Variants in PTPRQ observed in about 807,000 individuals in gnomAD.
PTPRQ encodes the protein phosphatidylinositol phosphatase PTPRQ.
PTPRQ carries 199 observed loss-of-function variants against 246.0 expected under a neutral mutation model. The ratio of observed to expected loss-of-function variants is 0.81; its 90% CI spans 0.72 to 0.91. PTPRQ has a LOEUF of 0.91. PTPRQ is among the 40% of genes least tolerant of loss of function. The pLI, the probability that PTPRQ is intolerant of heterozygous loss-of-function variation, is 0.00. For missense variants in PTPRQ, 2,624 were observed against 2,528.4 expected (o/e 1.04, Z -0.81); for synonymous variants, 869 against 853.2 (o/e 1.02, Z -0.32).
chr12:80,556,658 A>G (rs1896655192), intron 25 of PTPRQ, among the ~76,000 whole-genome samples: 1 of 152,180 alleles, frequency 6.6e-6, no homozygotes, highest in Non-Finnish European at 1.5e-5. Flanking sequence ...TTTATTGGAA[A>G]TATCTTGGAT....
At chr12:80,471,181 A>G (rs887980565) in intron 7 of PTPRQ, among the ~76,000 whole-genome samples, 2 of 152,092 alleles carry the variant, frequency 1.3e-5, no homozygotes, top group Non-Finnish European at 2.9e-5. Context: ...AATAGTAAAT[A>G]AAGTGGAGCA....
chr12:80,655,933 A>G (rs1437692099), intron 38 of PTPRQ, among the ~76,000 whole-genome samples: 6 of 152,226 alleles, frequency 3.9e-5, no homozygotes, highest in African/African-American at 1.4e-4. Context: ...ATTAGCAGCA[A>G]ATACTTGCAG....
At chr12:80,492,192 C>T (rs75464770) in intron 9 of PTPRQ, among the ~76,000 whole-genome samples, 9 of 151,852 alleles carry the variant, frequency 5.9e-5, no homozygotes, top group East Asian at 5.8e-4. Context: ...TTCTTGCCTC[C>T]GGTTTTTAAA....
Position 80,622,044 on chromosome 12 carries a change from C to CT in PTPRQ, c.5613-10dup, listed in dbSNP as rs762085319. 200 of 1,221,456 alleles carry CT rather than the reference C, an allele frequency of 1.6e-4. No individual in the cohort carries two copies. The African/African-American group carries it at 3.2e-3, about 20-fold the overall frequency. 75.7% of individuals were successfully genotyped at this position (1,221,456 alleles called of 1,614,324 possible). A position where few individuals can be genotyped will look rare whatever the true frequency, so the allele number is the denominator to read the frequency against. On this transcript the variant is annotated splice_polypyrimidine_tract_variant and intron_variant, in intron 32 of 44. Transcript: ENST00000644991. ...CATGATATGCAAAGTGTTGATTTTTCTTTTTTTATTTTATAGATTTAAATT... is the reference window on the plus strand; with the variant it reads ...CATGATATGCAAAGTGTTGATTTTTCTTTTTTTTATTTTATAGATTTAAATT...
chr12:80,571,576 A>T (rs1897146967), intron 25 of PTPRQ, among the ~76,000 whole-genome samples: 1 of 152,212 alleles, frequency 6.6e-6, no homozygotes. Context: ...TTTTAATCTC[A>T]TGTCAGTACA....
rs191552066 is a variant in PTPRQ at position 80,472,822 on chromosome 12, A to C, written c.1186+571A>C. Among the ~76,000 whole-genome samples the C allele has an allele frequency of 2.7e-3, 413 of 152,264 alleles. 4 individuals carry two copies. Among genetic ancestry groups the C allele is most frequent in the African/African-American group, 9.4e-3 (391 of 41,554 alleles). On this transcript the variant is annotated intron_variant, in intron 8 of 44. Transcript: ENST00000644991. ...TTTAGGTGAACTATACTTTAAAAAGAATGTTTCCATACTATTTCACAACAT... is the reference window on the plus strand; with the variant it reads ...TTTAGGTGAACTATACTTTAAAAAGCATGTTTCCATACTATTTCACAACAT...
At chr12:80,545,082 T>C (rs948048598) in intron 23 of PTPRQ, among the ~76,000 whole-genome samples, 3 of 152,174 alleles carry the variant, frequency 2.0e-5, no homozygotes, top group Admixed American at 6.5e-5. Context: ...TTATGCCCTC[T>C]TGGGTTCAGT....
intron 14 of PTPRQ, 131 bp from the exon 15 acceptor site, chr12:80,505,892 AG>A (rs1355342636): frequency 9.4e-7 from 1 of 1,068,368 alleles, no homozygotes; most frequent in Non-Finnish European, 1.3e-6. Flanking sequence ...TACTTCATTC[AG>A]GATATTTATT....
At chr12:80,467,934 C>G (rs1467890827) in intron 6 of PTPRQ, among the ~76,000 whole-genome samples, 3 of 152,116 alleles carry the variant, frequency 2.0e-5, no homozygotes, top group Admixed American at 2.0e-4. Flanking sequence ...GTGCAGCAAA[C>G]CAACATGGCA....
intron 29 of PTPRQ, among the ~76,000 whole-genome samples, chr12:80,615,926 C>T (rs150508751): frequency 6.6e-6 from 1 of 150,864 alleles, no homozygotes; most frequent in East Asian, 2.0e-4. Flanking sequence ...TTGTTCTCAG[C>T]GTTTAGTACC....
At chr12:80,508,628 CA>C (rs1453605145) in intron 16 of PTPRQ, among the ~76,000 whole-genome samples, 1 of 151,912 alleles carries the variant, frequency 6.6e-6, no homozygotes, top group Admixed American at 6.6e-5. Context: ...GAATGCACTG[CA>C]AAAGTTCTAA....
chr12:80,639,822 T>G (rs1301015205), intron 35 of PTPRQ, among the ~76,000 whole-genome samples: 3 of 152,212 alleles, frequency 2.0e-5, no homozygotes, highest in Non-Finnish European at 4.4e-5. Context: ...CTACTGTTTA[T>G]GAGCAACTCC....
chr12:80,645,317 A>C (rs1900033525), intron 35 of PTPRQ, among the ~76,000 whole-genome samples: 1 of 152,026 alleles, frequency 6.6e-6, no homozygotes, highest in South Asian at 2.1e-4. Flanking sequence ...TTTGTTGATA[A>C]ATCTATTGAT....
At chr12:80,654,817 A>G (rs1312616219) in intron 38 of PTPRQ, among the ~76,000 whole-genome samples, 1 of 151,922 alleles carries the variant, frequency 6.6e-6, no homozygotes, top group East Asian at 1.9e-4. Context: ...CCGAGATCGC[A>G]CCATTGCATT....
chr12:80,469,088 C>G (rs1437745979), intron 7 of PTPRQ, among the ~76,000 whole-genome samples: 1 of 152,046 alleles, frequency 6.6e-6, no homozygotes, highest in African/African-American at 2.4e-5. Flanking sequence ...AGAGATAACT[C>G]CTCAAGAAAA....
chr12:80,467,000 G>C (rs1893444290), intron 6 of PTPRQ, among the ~76,000 whole-genome samples: 1 of 152,184 alleles, frequency 6.6e-6, no homozygotes, highest in African/African-American at 2.4e-5. Flanking sequence ...AGCCAAAATT[G>C]ACAAATGGGA....
At chr12:80,512,893 A>T (rs1475149138) in intron 17 of PTPRQ, 1 of 152,014 alleles carries the variant, frequency 6.6e-6, no homozygotes, top group East Asian at 1.9e-4. Flanking sequence ...TGAAACAGAA[A>T]AAGTTCCCTT....
intron 43 of PTPRQ, among the ~76,000 whole-genome samples, chr12:80,677,535 A>G (rs560056055): frequency 1.3e-5 from 2 of 152,174 alleles, no homozygotes; most frequent in Non-Finnish European, 2.9e-5. Context: ...TTATACAACT[A>G]CTATGTGCCC....
At chr12:80,487,733 T>C (rs761568347) in intron 9 of PTPRQ, among the ~76,000 whole-genome samples, 2 of 152,114 alleles carry the variant, frequency 1.3e-5, no homozygotes. Flanking sequence ...TATTCCTGTA[T>C]CCCCCACTTC....
Sources: allele counts gnomAD v4.1 joint callset (sites outside exome capture counted in the v4.1 genomes callset), GRCh38; gene constraint gnomAD v4.1.1; transcripts MANE v1.5; gene names NCBI Gene and HGNC (gene_info 2026-07-23, HGNC 2026-07-21).